The following IFT74 variants were observed in gnomAD, a reference collection of about 807,000 sequenced individuals.
The protein encoded by IFT74 is intraflagellar transport 74, also known as intraflagellar transport protein 74 homolog.
IFT74 carries 92 observed loss-of-function variants against 96.7 expected under a neutral mutation model. The observed-to-expected ratio is 0.95, with a 90% CI of 0.80 to 1.13. The LOEUF (loss-of-function observed/expected upper bound fraction) is 1.13. IFT74 is among the 50% of genes most tolerant of loss of function. IFT74 has a pLI of 0.00. For synonymous variants in IFT74, 223 were observed against 213.2 expected, an observed-to-expected ratio of 1.05 and a Z score of -0.40; for missense variants, 811 against 698.2, an observed-to-expected ratio of 1.16 and a Z score of -1.82.
chr9:27,037,598 C>T (rs1005969198), intron 13 of IFT74, among the ~76,000 whole-genome samples: 1 of 152,182 alleles, frequency 6.6e-6, no homozygotes, highest in African/African-American at 2.4e-5. Context: ...GGCCTAATAC[C>T]TACATCCGTA....
chr9:26,996,515 G>A (rs1355614684), intron 8 of IFT74: 1 of 1,403,482 alleles, frequency 7.1e-7, no homozygotes, highest in Admixed American at 2.5e-5. Flanking sequence ...AAATCAGAAA[G>A]AATAAGATTT....
intron 13 of IFT74, among the ~76,000 whole-genome samples, chr9:27,029,815 T>C (rs968590066): frequency 6.6e-6 from 1 of 152,006 alleles, no homozygotes; most frequent in Admixed American, 6.6e-5. Context: ...ACTGGTAGCG[T>C]TAGAGGGGAT....
In IFT74 at chr9:27,017,049, A is replaced by G. The variant is rs755970896; in HGVS notation, c.932A>G (p.Gln311Arg). Residue 311 changes from glutamine to arginine, a missense_variant and splice_region_variant, in exon 11 of 20, where the codon CAG (glutamine) becomes CGG (arginine). By Grantham distance (43) the Gln-to-Arg change is conservative. Transcript: ENST00000380062. ...GAAGAGAGAGAGAAATTACTTAAGC[A>G]GGTGGGCAAAACAAACATACTTATT... ...PMEEREKLLK[Q>R]IKDDNQEIAS... 1.1e-5 allele frequency: 17 copies of G among 1,598,042 alleles called. No homozygotes were observed. Among genetic ancestry groups the G allele is most frequent in the Non-Finnish European group, 4.3e-6 (5 of 1,174,914 alleles).
chr9:26,996,542 ATAG>A, intron 8 of IFT74: 2 of 1,231,816 alleles, frequency 1.6e-6, no homozygotes, highest in Non-Finnish European at 2.1e-6. Context: ...GAGAAAAATA[ATAG>A]TTAACAACAT....
chr9:27,002,342 C>T (rs1169427194), intron 8 of IFT74, among the ~76,000 whole-genome samples: 1 of 152,206 alleles, frequency 6.6e-6, no homozygotes, highest in African/African-American at 2.4e-5. Flanking sequence ...AGCAACATGG[C>T]TGTTTATTTC....
rs573569712 is a variant in IFT74, at chr9:27,033,969, T to C, written c.1054+4865T>C. Among the ~76,000 whole-genome samples, 208 of 152,262 alleles carry C rather than the reference T, an allele frequency of 1.4e-3. 1 individual carries two copies. Among genetic ancestry groups the C allele is most frequent in the South Asian group, 4.4e-3 (21 of 4,820 alleles). ...ACACATCACTGACAGTTCCGAAGTT[T>C]TGACTGTTAGGCCTGAATTTGTAGT... On this transcript the variant is annotated intron_variant, in intron 13 of 19. Transcript: ENST00000380062.
In IFT74 at chr9:27,000,286, G is replaced by A. The variant is rs138488586; in HGVS notation, c.588-8734G>A. ...TGAAAGGAGCTTTAAAGCAATTTAA[G>A]TGGTTGTAAATTTTAAAAATTTAAT... On this transcript the variant is annotated intron_variant, in intron 8 of 19. Coordinates refer to ENST00000380062, the MANE Select transcript of IFT74 (RefSeq NM_025103.4). 1.3e-3 allele frequency among the ~76,000 whole-genome samples: 191 copies of A among 152,284 alleles called. 1 individual carries two copies. The highest frequency in any genetic ancestry group is 4.3e-3 in the African/African-American group (179 of 41,574).
chr9:27,051,269 T>C (rs1819908779), intron 16 of IFT74, among the ~76,000 whole-genome samples: 1 of 152,206 alleles, frequency 6.6e-6, no homozygotes, highest in Non-Finnish European at 1.5e-5. Context: ...GTGATATAGG[T>C]ATATAATTGC....
intron 1 of IFT74, among the ~76,000 whole-genome samples, chr9:26,960,428 T>C (rs1052017663): frequency 6.6e-6 from 1 of 152,232 alleles, no homozygotes; most frequent in Admixed American, 6.5e-5. Flanking sequence ...TTTATGTAAA[T>C]ATAGCTGAAA....
At chr9:26,973,709 C>A (rs1339198954) in intron 2 of IFT74, among the ~76,000 whole-genome samples, 3 of 152,224 alleles carry the variant, frequency 2.0e-5, no homozygotes, top group Non-Finnish European at 2.9e-5. Context: ...AAGATTTTTG[C>A]CTTAAATCCT....
Position 26,979,703 on chromosome 9 carries a change from CTTTTTTTTTTTT to C in IFT74, c.257-852_257-841del, listed in dbSNP as rs951706952. On this transcript the variant is annotated intron_variant, in intron 3 of 19. Coordinates refer to ENST00000380062, the MANE Select transcript of IFT74 (RefSeq NM_025103.4). ...GAGACATTTAACCTAGGAACACTTTCTTTTTTTTTTTTTTTTTTTTTTTTTTTGAGATGGGGT... is the reference window on the plus strand; with the variant it reads ...GAGACATTTAACCTAGGAACACTTTCTTTTTTTTTTTTTTTGAGATGGGGT... Among the ~76,000 whole-genome samples the C allele has an allele frequency of 9.8e-3, 738 of 75,494 alleles. 17 individuals carry two copies. The highest frequency in any genetic ancestry group is 0.036 in the African/African-American group (687 of 19,184). The allele number at this position is 75,494 out of a possible 152,430, so 49.5% of individuals were successfully genotyped here.
chr9:27,049,107 C>T (rs1456123446), intron 16 of IFT74, among the ~76,000 whole-genome samples: 1 of 152,174 alleles, frequency 6.6e-6, no homozygotes, highest in African/African-American at 2.4e-5. Context: ...GCAGGCTCCC[C>T]TTTGCCTTCT....
chr9:27,030,131 G>C (rs1384863610), intron 13 of IFT74, among the ~76,000 whole-genome samples: 1 of 152,146 alleles, frequency 6.6e-6, no homozygotes, highest in Non-Finnish European at 1.5e-5. Flanking sequence ...ATTCTCCATA[G>C]CATTTTAATC....
In IFT74 at chr9:26,962,046, G is replaced by A; in HGVS notation, c.79G>A (p.Gly27Arg). 1 of 1,614,154 alleles carries A rather than the reference G, an allele frequency of 6.2e-7. No homozygotes were observed. ...GVGLTGRPPS[G>R]IRPLSGNIRV... ...TGGGTTAACAGGAAGGCCTCCTTCT[G>A]GGATACGACCCCTATCAGGAAATAT... is the stretch of plus-strand genomic sequence containing the variant. Residue 27 changes from glycine to arginine, a missense_variant, in exon 2 of 20, where the codon GGG (glycine) becomes AGG (arginine). By Grantham distance (125) the Gly-to-Arg change is moderately radical. Transcript: ENST00000380062.
chr9:27,024,179 A>G (rs10967669), intron 12 of IFT74, among the ~76,000 whole-genome samples: 14,240 of 152,208 alleles, frequency 0.094, 1,767 homozygotes, highest in East Asian at 0.67. Flanking sequence ...TGTTCACATG[A>G]CAGCTTCACT....
At chr9:27,021,466 C>G (rs1438885582) in intron 12 of IFT74, among the ~76,000 whole-genome samples, 3 of 152,082 alleles carry the variant, frequency 2.0e-5, no homozygotes, top group Non-Finnish European at 2.9e-5. Context: ...TAAAAGTGTT[C>G]CCTTTTCACC....
intron 1 of IFT74, among the ~76,000 whole-genome samples, chr9:26,961,073 A>G (rs1256384195): frequency 6.7e-6 from 1 of 149,916 alleles, no homozygotes; most frequent in Non-Finnish European, 1.5e-5. Flanking sequence ...CCTCAGAAGA[A>G]GTGAATCTTG....
intron 1 of IFT74, 54 bp from the exon 2 acceptor site, chr9:26,961,895 T>G: frequency 5.1e-6 from 8 of 1,576,794 alleles, no homozygotes; most frequent in Non-Finnish European, 6.1e-6. Flanking sequence ...TGGGTCATTA[T>G]TGTCTTGCTA....
rs149952178 is a variant in IFT74, at chr9:27,030,682, G to A, written c.1054+1578G>A. Among the ~76,000 whole-genome samples, 32 of 152,202 alleles carry A rather than the reference G, an allele frequency of 2.1e-4. No individual in the cohort carries two copies. In the East Asian group the frequency reaches 6.0e-3, roughly 29 times the overall value. On this transcript the variant is annotated intron_variant, in intron 13 of 19. Transcript: ENST00000380062. ...TGGTCAGAATTTGGCTACAAGCTCT[G>A]CATCATTAGTAAAGCGGAGTATTAT...
Sources: gnomAD v4.1 joint callset for allele counts (sites outside exome capture counted in the v4.1 genomes callset) on GRCh38, gnomAD v4.1.1 for gene constraint, MANE v1.5 for transcripts, NCBI Gene and HGNC (gene_info 2026-07-23, HGNC 2026-07-21) for gene names.